PCSK5: variants seen among roughly 807,000 people sequenced by gnomAD.
The protein encoded by PCSK5 is prohormone convertase 5.
PCSK5 carries 129 observed loss-of-function variants against 233.2 expected under a neutral mutation model. The observed-to-expected ratio is 0.55, with a 90% CI of 0.48 to 0.64. The LOEUF (loss-of-function observed/expected upper bound fraction) is 0.64, where lower values mean the gene tolerates loss of function less well. PCSK5 is among the 30% of genes least tolerant of loss of function. PCSK5 has a pLI of 0.00. For missense variants in PCSK5, 2,076 were observed against 2,430.1 expected, an observed-to-expected ratio of 0.85 and a Z score of 3.06; for synonymous variants, 825 against 879.2, an observed-to-expected ratio of 0.94 and a Z score of 1.09.
At chr9:75,896,276 T>A (rs1825800577) in intron 1 of PCSK5, among the ~76,000 whole-genome samples, 1 of 152,180 alleles carries the variant, frequency 6.6e-6, no homozygotes. Flanking sequence ...ATGGTTTGTA[T>A]GTGGTCATTG....
intron 24 of PCSK5, among the ~76,000 whole-genome samples, chr9:76,265,678 C>T (rs1225646872): frequency 3.3e-5 from 5 of 152,066 alleles, no homozygotes. Flanking sequence ...ACAGAACATA[C>T]TTATTCTTAG....
At chr9:76,104,605 A>T (rs375854142) in intron 8 of PCSK5, among the ~76,000 whole-genome samples, 2 of 152,382 alleles carry the variant, frequency 1.3e-5, no homozygotes, top group African/African-American at 4.8e-5. Flanking sequence ...CAAATGCAAG[A>T]TCATAAAATT....
At chr9:76,340,423 ATCACCTGAGG>A (rs1239951402) in intron 35 of PCSK5, among the ~76,000 whole-genome samples, 3 of 152,096 alleles carry the variant, frequency 2.0e-5, no homozygotes, top group African/African-American at 7.2e-5. Flanking sequence ...AGGTGGGCGG[ATCACCTGAGG>A]TCAGGAGTTC....
intron 24 of PCSK5, among the ~76,000 whole-genome samples, chr9:76,291,824 T>TG (rs1828286292): frequency 6.6e-6 from 1 of 152,108 alleles, no homozygotes; most frequent in Non-Finnish European, 1.5e-5. Flanking sequence ...GCAAGATTCT[T>TG]GGGTAACTGA....
chr9:75,900,665 C>T (rs1453099382), intron 1 of PCSK5, among the ~76,000 whole-genome samples: 2 of 126,994 alleles, frequency 1.6e-5, no homozygotes, highest in Admixed American at 1.8e-4. Flanking sequence ...GGTGACGGAG[C>T]GAGACTCTGT....
intron 2 of PCSK5, among the ~76,000 whole-genome samples, chr9:75,970,769 A>G (rs539464401): frequency 7.7e-4 from 117 of 151,950 alleles, no homozygotes; most frequent in African/African-American, 2.8e-3. Flanking sequence ...CTACCGGCGC[A>G]CACTGCCACG....
chr9:76,095,472 C>T (rs1475312917), intron 7 of PCSK5, among the ~76,000 whole-genome samples: 2 of 152,132 alleles, frequency 1.3e-5, no homozygotes, highest in African/African-American at 2.4e-5. Flanking sequence ...TTGGCCCTAC[C>T]ACTTACTGTT....
intron 24 of PCSK5, among the ~76,000 whole-genome samples, chr9:76,290,199 G>A (rs535626904): frequency 1.3e-5 from 2 of 152,308 alleles, no homozygotes; most frequent in South Asian, 2.1e-4. Context: ...AAATAGACAC[G>A]TAATGGAAAA....
rs1434898627 is a variant in PCSK5 at position 76,323,409 on chromosome 9, G to A, written c.4339+121G>A. On this transcript the variant is annotated intron_variant, in intron 32 of 37. Transcript: ENST00000674117. ...GTGTTTTGTTTTTGTTTTGGGACAA[G>A]GTCTCCCTCTATTGCCCAGGCTCAA... 1.4e-5 allele frequency: 9 copies of A among 641,922 alleles called. No individual in the cohort carries two copies. The Admixed American group carries it at 2.6e-4, about 19-fold the overall frequency. 39.8% of individuals were successfully genotyped at this position (641,922 alleles called of 1,614,324 possible).
chr9:76,002,185 A>G (rs938373078), intron 3 of PCSK5, among the ~76,000 whole-genome samples: 1 of 152,238 alleles, frequency 6.6e-6, no homozygotes, highest in Non-Finnish European at 1.5e-5. Context: ...CACTAGCAGG[A>G]CATAGTCAAA....
chr9:76,282,019 A>C (rs1827883033), intron 24 of PCSK5, among the ~76,000 whole-genome samples: 4 of 150,562 alleles, frequency 2.7e-5, no homozygotes, highest in Non-Finnish European at 4.4e-5. Context: ...TATCTGGGCA[A>C]TGTAAATTGA....
At chr9:76,127,284 C>CT (rs1288663500) in intron 9 of PCSK5, among the ~76,000 whole-genome samples, 1 of 152,154 alleles carries the variant, frequency 6.6e-6, no homozygotes, top group Non-Finnish European at 1.5e-5. Context: ...GGCAATTTGG[C>CT]TAGGCAAATA....
intron 24 of PCSK5, among the ~76,000 whole-genome samples, chr9:76,291,965 G>A (rs537219063): frequency 1.2e-4 from 18 of 152,132 alleles, no homozygotes; most frequent in African/African-American, 3.6e-4. Flanking sequence ...TCTTTAATTC[G>A]AAGACCCAGT....
intron 7 of PCSK5, among the ~76,000 whole-genome samples, chr9:76,072,639 A>C (rs936402886): frequency 2.0e-5 from 3 of 152,124 alleles, no homozygotes; most frequent in African/African-American, 7.2e-5. Context: ...TTGTTCATTT[A>C]AGGCCATTAT....
At chr9:75,967,997 G>A (rs952045248) in intron 2 of PCSK5, among the ~76,000 whole-genome samples, 11 of 152,196 alleles carry the variant, frequency 7.2e-5, no homozygotes, top group African/African-American at 2.7e-4. Flanking sequence ...CCCGACCTCA[G>A]GTGATCCGCC....
intron 17 of PCSK5, among the ~76,000 whole-genome samples, chr9:76,187,551 T>C (rs1824165190): frequency 6.6e-6 from 1 of 152,042 alleles, no homozygotes; most frequent in South Asian, 2.1e-4. Flanking sequence ...TTTGTAGAGA[T>C]GGCGTCTGAC....
At chr9:75,999,590 G>A (rs148757414) in intron 3 of PCSK5, among the ~76,000 whole-genome samples, 191 of 152,364 alleles carry the variant, frequency 1.3e-3, no homozygotes, top group Non-Finnish European at 2.2e-3. Context: ...TCATGCCATT[G>A]TTTGTGGCTT....
intron 24 of PCSK5, among the ~76,000 whole-genome samples, chr9:76,282,319 T>C (rs7875683): frequency 0.12 from 17,708 of 145,702 alleles, 1,557 homozygotes; most frequent in African/African-American, 0.25. Flanking sequence ...TCTTTCTTTC[T>C]TTTTCTTTCT....
At position 75,964,155 on chromosome 9, in the gene PCSK5, G is replaced by GT. The variant is rs532307093; in HGVS notation, c.298-21969dup. 4.0e-3 allele frequency among the ~76,000 whole-genome samples: 611 copies of GT among 151,886 alleles called. 3 individuals carry two copies. The highest frequency in any genetic ancestry group is 0.013 in the African/African-American group (553 of 41,430). ...ATTTGATGACACTTTCTGCTGCATCGTTTTTTTTCCTCAAGAGAACATGCT... is the reference window on the plus strand; with the variant it reads ...ATTTGATGACACTTTCTGCTGCATCGTTTTTTTTTCCTCAAGAGAACATGCT... On this transcript the variant is annotated intron_variant, in intron 2 of 37. Coordinates refer to ENST00000674117, the MANE Select transcript of PCSK5 (RefSeq NM_001372043.1).
Sources: allele counts gnomAD v4.1 joint callset (sites outside exome capture counted in the v4.1 genomes callset), GRCh38; gene constraint gnomAD v4.1.1; transcripts MANE v1.5; gene names NCBI Gene and HGNC (gene_info 2026-07-23, HGNC 2026-07-21).